EFTUD2: variants seen among roughly 807,000 people sequenced by gnomAD.
EFTUD2 encodes elongation factor Tu GTP binding domain containing 2, also known as 116 kDa U5 small nuclear ribonucleoprotein component.
A neutral mutation model predicts 114.3 loss-of-function variants in EFTUD2; 9 were observed. That is an observed-to-expected ratio of 0.08 (90% CI 0.05 to 0.14). The LOEUF (loss-of-function observed/expected upper bound fraction) is 0.14, where lower values mean the gene tolerates loss of function less well. Among genes scored for constraint, EFTUD2 ranks in the 10% least tolerant of loss-of-function variants. The pLI, the probability that EFTUD2 is intolerant of heterozygous loss-of-function variation, is 1.00. For missense variants in EFTUD2, 765 were observed against 1,241.2 expected (o/e 0.62, Z 5.76); for synonymous variants, 449 against 462.3 (o/e 0.97, Z 0.37).
At chr17:44,891,579 G>A (rs1237752407) in intron 2 of EFTUD2, among the ~76,000 whole-genome samples, 2 of 152,092 alleles carry the variant, frequency 1.3e-5, no homozygotes, top group Admixed American at 6.6e-5. Context: ...CAAACTCCTC[G>A]GTTCAAGTGA....
intron 10 of EFTUD2, 121 bp downstream of exon 10, chr17:44,875,813 G>A: frequency 7.9e-7 from 1 of 1,263,772 alleles, no homozygotes; most frequent in Non-Finnish European, 1.1e-6. Flanking sequence ...TGTGCCTCTA[G>A]TTTTGCCCAA....
chr17:44,869,978 T>C (rs1263837180), intron 11 of EFTUD2, among the ~76,000 whole-genome samples: 1 of 152,234 alleles, frequency 6.6e-6, no homozygotes, highest in Non-Finnish European at 1.5e-5. Flanking sequence ...TCAGTTTTGG[T>C]AGTAAGGTGT....
chr17:44,851,582 T>C (rs2050449726), intron 27 of EFTUD2, 128 bp downstream of exon 27: 19 of 1,058,372 alleles, frequency 1.8e-5, no homozygotes, highest in Non-Finnish European at 2.4e-5. Context: ...GCCTAAGGAG[T>C]ATACAGATCA....
intron 11 of EFTUD2, among the ~76,000 whole-genome samples, chr17:44,868,999 AT>A (rs2050799350): frequency 6.6e-6 from 1 of 152,210 alleles, no homozygotes; most frequent in Non-Finnish European, 1.5e-5. Flanking sequence ...TAGATAACTG[AT>A]AGCACCAACC....
At chr17:44,852,861 G>A (rs948124965) in intron 25 of EFTUD2, among the ~76,000 whole-genome samples, 1 of 147,984 alleles carries the variant, frequency 6.8e-6, no homozygotes, top group Admixed American at 6.8e-5. Flanking sequence ...AGCTCTGTGA[G>A]GAGGGGATCC....
chr17:44,888,739 T>C (rs528079263), intron 2 of EFTUD2, among the ~76,000 whole-genome samples: 4 of 152,280 alleles, frequency 2.6e-5, no homozygotes, highest in South Asian at 2.1e-4. Context: ...CTTGCCTTTA[T>C]TGAGATGAGG....
chr17:44,886,555 C>T (rs1389551686), intron 3 of EFTUD2, 30 bp downstream of exon 3: 5 of 1,608,982 alleles, frequency 3.1e-6, no homozygotes, highest in Non-Finnish European at 4.3e-6. Flanking sequence ...TTCAATTTCA[C>T]TCCGCACAGC....
Position 44,857,168 on chromosome 17 carries a change from G to T in EFTUD2, c.1963-11C>A, listed in dbSNP as rs1445844930. On this transcript the variant is annotated splice_polypyrimidine_tract_variant and intron_variant, in intron 19 of 27. Coordinates refer to ENST00000426333, the MANE Select transcript of EFTUD2 (RefSeq NM_004247.4). Reference sequence around the variant, plus strand: ...AACTGGGTCAGCCACCTGGGAAACAGAAAATAAATTACTGAAGCGAGGTCT... The same window carrying T: ...AACTGGGTCAGCCACCTGGGAAACATAAAATAAATTACTGAAGCGAGGTCT... 6.2e-7 allele frequency: 1 copy of T among 1,612,926 alleles called. No homozygotes were observed. The highest frequency in any genetic ancestry group is 1.1e-5 in the South Asian group (1 of 91,068).
intron 8 of EFTUD2, among the ~76,000 whole-genome samples, chr17:44,880,100 T>C (rs2145534838): frequency 6.6e-6 from 1 of 152,280 alleles, no homozygotes; most frequent in East Asian, 1.9e-4. Flanking sequence ...AGCCAAAACC[T>C]AAAACCTTCC....
intron 1 of EFTUD2, among the ~76,000 whole-genome samples, chr17:44,897,188 C>G (rs1276652954): frequency 7.0e-6 from 1 of 142,326 alleles, no homozygotes; most frequent in East Asian, 2.1e-4. Flanking sequence ...TGCACTCCAG[C>G]CTGGGTGACA....
rs2050512921 is a variant in EFTUD2 at position 44,854,551 on chromosome 17, T to C, written c.2259+5A>G. ...GCCACCCAGTTCCCATCAGTTCTGC[T>C]GTACCTCAGAGGGCAGAGTATCATC... On this transcript the variant is annotated splice_donor_5th_base_variant and intron_variant, in intron 22 of 27. Coordinates refer to ENST00000426333, the MANE Select transcript of EFTUD2 (RefSeq NM_004247.4). This position sits in a 1 kb window ranked among gnomAD's most constrained non-coding sequence, Gnocchi z 4.3. 6.2e-7 allele frequency: 1 copy of C among 1,613,370 alleles called. No homozygotes were observed. The highest frequency in any genetic ancestry group is 1.3e-5 in the African/African-American group (1 of 75,046).
intron 1 of EFTUD2, among the ~76,000 whole-genome samples, chr17:44,897,532 A>G (rs1248365023): frequency 1.3e-5 from 2 of 152,148 alleles, no homozygotes; most frequent in Non-Finnish European, 2.9e-5. Flanking sequence ...CTGTTTTTGC[A>G]TGGTCCTCCA....
Position 44,855,043 on chromosome 17 carries a change from G to A in EFTUD2, c.2046-39C>T, listed in dbSNP as rs370198047. On this transcript the variant is annotated intron_variant, in intron 20 of 27. Coordinates refer to ENST00000426333, the MANE Select transcript of EFTUD2 (RefSeq NM_004247.4). Reference sequence around the variant, plus strand: ...AAATGGGTGGTAAGGACGGCTAACAGAACAGCAGAAGAGGCATTACTAAGA... The same window carrying A: ...AAATGGGTGGTAAGGACGGCTAACAAAACAGCAGAAGAGGCATTACTAAGA... 3.2e-6 allele frequency: 5 copies of A among 1,550,122 alleles called. No homozygotes were observed. The African/African-American group carries it at 4.1e-5, about 13-fold the overall frequency.
intron 19 of EFTUD2, chr17:44,857,519 G>A (rs976757283): frequency 2.8e-4 from 77 of 274,002 alleles, no homozygotes; most frequent in African/African-American, 9.0e-4. Flanking sequence ...ACCCACTGGC[G>A]TGCACCCATG....
rs758328275 is a variant in EFTUD2 at position 44,881,719 on chromosome 17, A to G, written c.496T>C (p.Cys166Arg). Residue 166 changes from cysteine (C) to arginine (R), a missense_variant, in exon 7 of 28, where the codon TGC becomes CGC. Physicochemically the swap from Cys to Arg is radical, Grantham distance 180. Around this residue, in one of 6 missense-constraint regions of EFTUD2, gnomAD observed 251 missense variants for 357.7 expected, o/e 0.70. Coordinates refer to ENST00000426333, the MANE Select transcript of EFTUD2 (RefSeq NM_004247.4). ...EIRKRYDQDL[C>R]YTDILFTEQE... ...TCTGTGAAGAGGATGTCAGTATAGC[A>G]CAGCTGAAAAAAAATTAACTGTTGT... is the stretch of plus-strand genomic sequence containing the variant. 1 of 1,614,154 alleles carries G rather than the reference A, an allele frequency of 6.2e-7. No individual in the cohort carries two copies. The highest frequency in any genetic ancestry group is 8.5e-7 in the Non-Finnish European group (1 of 1,179,996).
rs181649966 is a variant in EFTUD2 at position 44,877,784 on chromosome 17, C to T, written c.703-1684G>A. Among the ~76,000 whole-genome samples, 23 of 151,362 alleles carry T rather than the reference C, an allele frequency of 1.5e-4. No homozygotes were observed. In the East Asian group the frequency reaches 4.1e-3, roughly 27 times the overall value. On this transcript the variant is annotated intron_variant, in intron 9 of 27. Transcript: ENST00000426333. ...TTGCGCCACTGCACTCCAGCCTGGG[C>T]GGAAGAGCAAGACTCCATCTCAAAA...
chr17:44,892,323 A>G (rs2051294216), intron 2 of EFTUD2: 1 of 152,158 alleles, frequency 6.6e-6, no homozygotes, highest in African/African-American at 2.4e-5. Context: ...CCTTGTCTCT[A>G]TTTAAATATA....
chr17:44,852,532 T>C lies in EFTUD2; in HGVS notation c.2592A>G (p.Pro864=), dbSNP rs2050474024. 5 of 1,614,082 alleles carry C rather than the reference T, an allele frequency of 3.1e-6. No individual in the cohort carries two copies. The highest frequency in any genetic ancestry group is 3.4e-6 in the Non-Finnish European group (4 of 1,180,018). Residue 864 remains proline, a synonymous_variant, in exon 26 of 28, where the codon CCA becomes CCG. Transcript: ENST00000426333. ...CTTTGATGGTGTACAGAGGGGAGCC[T>C]GGGATGGGTGCATCCTGAGTCACGT... ...RGHVTQDAPI[P]GSPLYTIKAF... is the part of the protein sequence containing the mutation.
intron 13 of EFTUD2, among the ~76,000 whole-genome samples, chr17:44,867,291 CCTTTG>C (rs1410937398): frequency 6.8e-6 from 1 of 148,004 alleles, no homozygotes; most frequent in Non-Finnish European, 1.5e-5. Context: ...TTTTCCCTTT[CCTTTG>C]ATTTTTTTTT....
Sources: allele counts gnomAD v4.1 joint callset (sites outside exome capture counted in the v4.1 genomes callset), GRCh38; gene constraint gnomAD v4.1.1; regional missense constraint gnomAD v4.1.1; non-coding constraint Gnocchi (gnomAD v3.1); transcripts MANE v1.5; gene names NCBI Gene and HGNC (gene_info 2026-07-23, HGNC 2026-07-21).